The following COL3A1 variants were observed in gnomAD, a reference collection of about 807,000 sequenced individuals.
COL3A1 encodes collagen type III alpha 1 chain.
Under a neutral mutation model 200.9 loss-of-function variants are expected in COL3A1, and 46 were observed. The ratio of observed to expected loss-of-function variants is 0.23; its 90% CI spans 0.18 to 0.29. COL3A1 has a LOEUF of 0.29. Ranked by LOEUF, COL3A1 falls within the 10% of genes least tolerant of loss-of-function variation. The pLI, the probability that COL3A1 is intolerant of heterozygous loss-of-function variation, is 1.00. For missense variants in COL3A1, 1,367 were observed against 1,917.6 expected (o/e 0.71, Z 5.36); for synonymous variants, 650 against 628.0 (o/e 1.03, Z -0.52).
chr2:188,976,796 C>CATAGTCTGTTTTAT (rs1687828304), intron 1 of COL3A1, among the ~76,000 whole-genome samples: 1 of 152,126 alleles, frequency 6.6e-6, no homozygotes, highest in African/African-American at 2.4e-5. Flanking sequence ...AATGGAGAAA[C>CATAGTCTGTTTTAT]ATAGTCTGTT....
rs1275358092 is a variant in COL3A1 at position 188,995,088 on chromosome 2, C to T, written c.1498C>T (p.Pro500Ser). The change falls in exon 21 of 51, where the codon CCA (proline) becomes TCA (serine). Residue 500 changes from proline (P) to serine (S), a missense_variant. By Grantham distance (74) the Pro-to-Ser change is moderately conservative. Transcript: ENST00000304636. ...AGGACCTGCTGGACCAAATGGCATC[C>T]CAGGAGAAAAGGTAGATAACTTTAG... is the stretch of plus-strand genomic sequence containing the variant. ...FRGPAGPNGI[P>S]GEKGPAGERG... is the part of the protein sequence containing the mutation. 3 of 1,614,012 alleles carry T rather than the reference C, an allele frequency of 1.9e-6. No individual in the cohort carries two copies. Among genetic ancestry groups the T allele is most frequent in the South Asian group, 2.2e-5 (2 of 91,070 alleles).
chr2:188,999,734 T>C (rs1229972985), intron 31 of COL3A1, 108 bp from the exon 32 acceptor site: 1 of 1,369,488 alleles, frequency 7.3e-7, no homozygotes, highest in Admixed American at 2.0e-5. Context: ...CAACAATGAA[T>C]TAGAACACCC....
At position 189,006,972 on chromosome 2, in the gene COL3A1, T is replaced by C; in HGVS notation, c.3237T>C (p.Ala1079=). ...GCCCTGCTGGTGCTCCCGGTCCTGC[T>C]GGTTCCCGAGGTGCTCCTGTAAGTT... The part of the protein sequence containing the change: ...PAGPAGAPGP[A]GSRGAPGPQG... Residue 1079 remains alanine (A), a synonymous_variant, in exon 44 of 51, where the codon GCT becomes GCC. Coordinates refer to ENST00000304636, the MANE Select transcript of COL3A1 (RefSeq NM_000090.4). The C allele has an allele frequency of 1.2e-6, 2 of 1,613,158 alleles. No individual in the cohort carries two copies. The highest frequency in any genetic ancestry group is 1.7e-6 in the Non-Finnish European group (2 of 1,179,806).
At chr2:189,005,070 A>T (rs1688556759) in intron 40 of COL3A1, among the ~76,000 whole-genome samples, 1 of 152,150 alleles carries the variant, frequency 6.6e-6, no homozygotes, top group South Asian at 2.1e-4. Context: ...TATACTAATC[A>T]TGTTTATGTA....
intron 1 of COL3A1, among the ~76,000 whole-genome samples, chr2:188,982,205 C>A (rs937883743): frequency 2.0e-5 from 3 of 151,114 alleles, no homozygotes; most frequent in African/African-American, 7.3e-5. Context: ...TTGAGGCCTC[C>A]GTGTTTTAAA....
intron 35 of COL3A1, 92 bp from the exon 36 acceptor site, chr2:189,002,863 T>G (rs1347312411): frequency 9.9e-7 from 1 of 1,007,640 alleles, no homozygotes; most frequent in African/African-American, 1.6e-5. Flanking sequence ...TCCTTCCATC[T>G]GAAGAATTCT....
In COL3A1 at chr2:189,001,826, A is replaced by ATACATGAAT. The variant is rs1428000635; in HGVS notation, c.2391+239_2391+247dup. Among the ~76,000 whole-genome samples, 3 of 152,282 alleles carry ATACATGAAT rather than the reference A, an allele frequency of 2.0e-5. No homozygotes were observed. In the South Asian group the frequency reaches 6.2e-4, roughly 32 times the overall value. ...TCTTTCCTAAATAACTTTGGAAAAA[A>ATACATGAAT]TACATGAATTGCACAAGTAGTACAT... On this transcript the variant is annotated intron_variant, in intron 34 of 50. Coordinates refer to ENST00000304636, the MANE Select transcript of COL3A1 (RefSeq NM_000090.4).
Position 188,989,417 on chromosome 2 carries a change from G to C in COL3A1, c.658G>C (p.Ala220Pro). The part of the protein sequence containing the change: ...GPSGPPGPPG[A>P]IGPSGPAGKD... ...TCAGGGCCCTCCAGGACCTCCTGGT[G>C]CTATAGGTCCATCTGGTCCTGCTGG... The change falls in exon 8 of 51, where the codon GCT (alanine) becomes CCT (proline). Residue 220 changes from alanine (A) to proline (P), a missense_variant. Transcript: ENST00000304636. 1 of 1,606,318 alleles carries C rather than the reference G, an allele frequency of 6.2e-7. No homozygotes were observed. The highest frequency in any genetic ancestry group is 8.5e-7 in the Non-Finnish European group (1 of 1,176,294).
chr2:189,010,910 A>C lies in COL3A1; in HGVS notation c.4254+20A>C, dbSNP rs1394742780. On this transcript the variant is annotated intron_variant, in intron 50 of 50. Coordinates refer to ENST00000304636, the MANE Select transcript of COL3A1 (RefSeq NM_000090.4). ...TGCACGGTAGGAAACATTTTTCTCAATATAGGTCATAAAGCAGTCAGCATT... is the reference window on the plus strand; with the variant it reads ...TGCACGGTAGGAAACATTTTTCTCACTATAGGTCATAAAGCAGTCAGCATT... 2 of 1,613,922 alleles carry C rather than the reference A, an allele frequency of 1.2e-6. No individual in the cohort carries two copies. Among genetic ancestry groups the C allele is most frequent in the East Asian group, 4.5e-5 (2 of 44,880 alleles).
At chr2:188,988,699 C>A in intron 7 of COL3A1, 56 bp downstream of exon 7, 1 of 1,228,664 alleles carries the variant, frequency 8.1e-7, no homozygotes, top group Non-Finnish European at 1.2e-6. Flanking sequence ...TGGAACCTAC[C>A]TTTGTTTTCT....
Position 189,009,115 on chromosome 2 carries a change from G to A in COL3A1, c.3717G>A (p.Lys1239=), listed in dbSNP as rs1688662840. The A allele has an allele frequency of 6.2e-7, 1 of 1,614,204 alleles. No homozygotes were observed. Among genetic ancestry groups the A allele is most frequent in the East Asian group, 2.2e-5 (1 of 44,886 alleles). The change falls in exon 48 of 51, where the codon AAG becomes AAA. Residue 1239 remains lysine, a synonymous_variant. Coordinates refer to ENST00000304636, the MANE Select transcript of COL3A1 (RefSeq NM_000090.4). The part of the protein sequence containing the change: ...INTDEIMTSL[K]SVNGQIESLI... ...CCGATGAGATTATGACTTCACTCAA[G>A]TCTGTTAATGGACAAATAGAAAGCC...
intron 27 of COL3A1, 150 bp from the exon 28 acceptor site, chr2:188,998,116 T>A: frequency 1.4e-6 from 1 of 709,488 alleles, no homozygotes. Context: ...CACGTATGTG[T>A]CACTGGATTT....
Position 189,007,919 on chromosome 2 carries a change from C to A in COL3A1, c.3398C>A (p.Pro1133Gln), listed in dbSNP as rs1688631319. ...GGTCAGCAGGGTGCAATCGGCAGTCCAGGACCTGCAGGCCCCAGAGTAAGT... is the reference window on the plus strand; with the variant it reads ...GGTCAGCAGGGTGCAATCGGCAGTCAAGGACCTGCAGGCCCCAGAGTAAGT... Reference protein sequence around the residue: ...PAGQQGAIGSPGPAGPRGPVG... With the variant: ...PAGQQGAIGSQGPAGPRGPVG... The change falls in exon 46 of 51, where the codon CCA (proline) becomes CAA (glutamine). Residue 1133 changes from proline (P) to glutamine (Q), a missense_variant. Physicochemically the swap from Pro to Gln is moderately conservative, Grantham distance 76. Transcript: ENST00000304636. The A allele has an allele frequency of 6.2e-7, 1 of 1,614,142 alleles. No individual in the cohort carries two copies.
rs544709277 is a variant in COL3A1 at position 189,001,672 on chromosome 2, C to T, written c.2391+83C>T. 26 of 1,400,978 alleles carry T rather than the reference C, an allele frequency of 1.9e-5. No individual in the cohort carries two copies. The South Asian group carries it at 2.7e-4, about 14-fold the overall frequency. The allele number at this position is 1,400,978 out of a possible 1,614,324, so 86.8% of individuals were successfully genotyped here. A position where few individuals can be genotyped will look rare whatever the true frequency, so the allele number is the denominator to read the frequency against. On this transcript the variant is annotated intron_variant, in intron 34 of 50. Coordinates refer to ENST00000304636, the MANE Select transcript of COL3A1 (RefSeq NM_000090.4). ...TATGCTTCCCTTTTTGGCAGTTTTGCCCTCAGTTCCCTGAGCCTCAATTTG... is the reference window on the plus strand; with the variant it reads ...TATGCTTCCCTTTTTGGCAGTTTTGTCCTCAGTTCCCTGAGCCTCAATTTG...
intron 4 of COL3A1, 64 bp from the exon 5 acceptor site, chr2:188,986,995 G>A (rs1268600997): frequency 2.8e-6 from 4 of 1,441,102 alleles, no homozygotes; most frequent in Non-Finnish European, 3.9e-6. Context: ...ACTTCTAAAT[G>A]CTTTTTAAAA....
At chr2:188,996,601 G>A in intron 24 of COL3A1, 105 bp downstream of exon 24, 1 of 907,258 alleles carries the variant, frequency 1.1e-6, no homozygotes, top group Non-Finnish European at 1.7e-6. Context: ...TTCAAAGCAT[G>A]GAGGAGTATA....
intron 22 of COL3A1, 41 bp downstream of exon 22, chr2:188,995,831 C>A: frequency 6.8e-7 from 1 of 1,460,090 alleles, no homozygotes; most frequent in Non-Finnish European, 9.4e-7. Flanking sequence ...TTAATTTAGA[C>A]AGAAGAAAGG....
At chr2:189,001,489 C>T (rs1289754118) in intron 33 of COL3A1, 39 bp downstream of exon 33, 2 of 1,613,904 alleles carry the variant, frequency 1.2e-6, no homozygotes, top group African/African-American at 1.3e-5. Flanking sequence ...AAGAAAATGT[C>T]TCTCTCTTTT....
intron 32 of COL3A1, among the ~76,000 whole-genome samples, chr2:189,000,590 T>C (rs1688434482): frequency 6.6e-6 from 1 of 152,210 alleles, no homozygotes; most frequent in Non-Finnish European, 1.5e-5. Flanking sequence ...GATAAAATTC[T>C]ATAGAGCTAC....
Sources: gnomAD v4.1 joint callset for allele counts (sites outside exome capture counted in the v4.1 genomes callset) on GRCh38, gnomAD v4.1.1 for gene constraint, MANE v1.5 for transcripts, NCBI Gene and HGNC (gene_info 2026-07-23, HGNC 2026-07-21) for gene names.